The following TEX9 variants were observed in gnomAD, a reference collection of about 807,000 sequenced individuals.
The protein encoded by TEX9 is testis expressed 9, also known as testis-expressed protein 9.
Under a neutral mutation model 59.6 loss-of-function variants are expected in TEX9, and 74 were observed. That is an observed-to-expected ratio of 1.24 (90% confidence interval 1.03 to 1.51). The LOEUF is 1.51. TEX9 is among the 40% of genes most tolerant of loss of function. The pLI is 0.00. For synonymous variants in TEX9, 186 were observed against 152.2 expected (o/e 1.22, Z -1.64); for missense variants, 522 against 447.8 (o/e 1.17, Z -1.49).
intron 1 of TEX9, among the ~76,000 whole-genome samples, chr15:56,356,837 T>C (rs1471898957): frequency 6.6e-6 from 1 of 152,158 alleles, no homozygotes; most frequent in African/African-American, 2.4e-5. Context: ...ATCCTGGTTG[T>C]GGTTTGGCAT....
chr15:56,394,919 A>G, intron 9 of TEX9, 85 bp downstream of exon 9: 1 of 1,295,534 alleles, frequency 7.7e-7, no homozygotes, highest in Non-Finnish European at 1.1e-6. Flanking sequence ...TGCCATTTTG[A>G]CAGTTCAGTT....
At chr15:56,388,327 AT>A in intron 4 of TEX9, 144 bp from the exon 5 acceptor site, 1 of 604,292 alleles carries the variant, frequency 1.7e-6, no homozygotes, top group South Asian at 2.8e-5. Context: ...CTCATTCAAA[AT>A]AAATTAACAT....
intron 1 of TEX9, among the ~76,000 whole-genome samples, chr15:56,277,336 G>A (rs181328383): frequency 1.3e-5 from 2 of 152,238 alleles, no homozygotes; most frequent in African/African-American, 4.8e-5. Flanking sequence ...AATCCATCTT[G>A]AGTTAATTTT....
intron 2 of TEX9, among the ~76,000 whole-genome samples, chr15:56,369,004 A>G (rs2047069516): frequency 6.6e-6 from 1 of 152,100 alleles, no homozygotes; most frequent in Non-Finnish European, 1.5e-5. Flanking sequence ...ATTTCTTAAT[A>G]AATATATTTA....
chr15:56,311,058 T>G (rs568335415), intron 1 of TEX9, among the ~76,000 whole-genome samples: 3 of 152,202 alleles, frequency 2.0e-5, no homozygotes, highest in Non-Finnish European at 2.9e-5. Flanking sequence ...CCCTGGCATT[T>G]GCACCCACAG....
chr15:56,301,147 A>G (rs2045351252), intron 1 of TEX9, among the ~76,000 whole-genome samples: 1 of 152,228 alleles, frequency 6.6e-6, no homozygotes, highest in South Asian at 2.1e-4. Context: ...CCGTCAGGTT[A>G]ATTTAATGAA....
intron 1 of TEX9, among the ~76,000 whole-genome samples, chr15:56,275,020 C>T (rs1158909614): frequency 6.6e-6 from 1 of 152,288 alleles, no homozygotes; most frequent in East Asian, 1.9e-4. Context: ...TTTGATTTTC[C>T]TGCTGATGAG....
chr15:56,326,748 G>T (rs1211415003), intron 1 of TEX9, among the ~76,000 whole-genome samples: 4 of 152,148 alleles, frequency 2.6e-5, no homozygotes, highest in Non-Finnish European at 5.9e-5. Context: ...TCAGAATTAC[G>T]CTATCTCAGT....
At chr15:56,456,073 T>A in the TEX9 span, among the ~76,000 whole-genome samples, 1 of 152,150 alleles carries the variant, frequency 6.6e-6, no homozygotes, top group Non-Finnish European at 1.5e-5. Flanking sequence ...TGTAGAGGTA[T>A]AAAATTAAAC....
chr15:56,316,975 T>G (rs2045785761), intron 1 of TEX9, among the ~76,000 whole-genome samples: 1 of 152,158 alleles, frequency 6.6e-6, no homozygotes, highest in Non-Finnish European at 1.5e-5. Flanking sequence ...CCCTTGCGCT[T>G]CCCAAGTGAG....
At chr15:56,389,367 A>T in exon 6 of TEX9, 1 of 1,610,956 alleles carries the variant, frequency 6.2e-7, no homozygotes, top group Non-Finnish European at 8.5e-7. Flanking sequence ...AACAAATTAC[A>T]CTCTGCAAAT....
At chr15:56,456,867 G>A in the TEX9 span, among the ~76,000 whole-genome samples, 2 of 151,828 alleles carry the variant, frequency 1.3e-5, no homozygotes, top group South Asian at 4.2e-4. Flanking sequence ...AACAATCCTA[G>A]ACATCATGTC....
chr15:56,356,739 G>C (rs1253823569), intron 1 of TEX9, among the ~76,000 whole-genome samples: 1 of 152,126 alleles, frequency 6.6e-6, no homozygotes, highest in African/African-American at 2.4e-5. Flanking sequence ...GGCTTATTGT[G>C]ATAATTAAAG....
At chr15:56,336,310 TG>T (rs1452844296) in intron 1 of TEX9, among the ~76,000 whole-genome samples, 1 of 152,130 alleles carries the variant, frequency 6.6e-6, no homozygotes, top group East Asian at 1.9e-4. Flanking sequence ...TATTTGAAGG[TG>T]GGGCCTTTGG....
intron 1 of TEX9, among the ~76,000 whole-genome samples, chr15:56,347,953 A>T (rs898513170): frequency 6.6e-6 from 1 of 152,026 alleles, no homozygotes; most frequent in Non-Finnish European, 1.5e-5. Flanking sequence ...TGGGCAAAAA[A>T]CTTTAAGAGA....
At chr15:56,332,244 G>A (rs2046162968) in intron 1 of TEX9, among the ~76,000 whole-genome samples, 4 of 149,754 alleles carry the variant, frequency 2.7e-5, no homozygotes, top group Non-Finnish European at 5.9e-5. Context: ...TGATAGACTG[G>A]ATTAAGAAAA....
chr15:56,451,590 T>A, the TEX9 span, among the ~76,000 whole-genome samples: 31 of 152,204 alleles, frequency 2.0e-4, no homozygotes, highest in Middle Eastern at 3.2e-3. Context: ...ACTTTTAGTA[T>A]GTGGTATTTT....
At chr15:56,250,145 G>T (rs1378071498) in intron 1 of TEX9, among the ~76,000 whole-genome samples, 1 of 152,192 alleles carries the variant, frequency 6.6e-6, no homozygotes, top group Non-Finnish European at 1.5e-5. Context: ...TTGATTTAAA[G>T]AATAGTGACA....
chr15:56,379,545 A>G lies in TEX9; in HGVS notation c.184-4407A>G, dbSNP rs139436117. 1.5e-4 allele frequency among the ~76,000 whole-genome samples: 23 copies of G among 152,286 alleles called. No individual in the cohort carries two copies. The East Asian group carries it at 4.2e-3, about 28-fold the overall frequency. ...AGTCTTTGGATGAAATGTTCTGTAAATGTCTATTGGGTCCACTTGTTCTGC... is the reference window on the plus strand; with the variant it reads ...AGTCTTTGGATGAAATGTTCTGTAAGTGTCTATTGGGTCCACTTGTTCTGC... On this transcript the variant is annotated intron_variant, in intron 3 of 12. Coordinates refer to ENST00000352903, the Ensembl canonical transcript of TEX9.
Sources: gnomAD v4.1 joint callset for allele counts (sites outside exome capture counted in the v4.1 genomes callset) on GRCh38, gnomAD v4.1.1 for gene constraint, MANE v1.5 for transcripts, NCBI Gene and HGNC (gene_info 2026-07-23, HGNC 2026-07-21) for gene names.